CELF2: variants seen among roughly 807,000 people sequenced by gnomAD.
The protein encoded by CELF2 is CUG triplet repeat RNA-binding protein 2.
In CELF2, 8 loss-of-function variants were observed where a neutral mutation model predicts 62.6. That is an observed-to-expected ratio of 0.13 (90% CI 0.07 to 0.23). The LOEUF (loss-of-function observed/expected upper bound fraction) is 0.23. Ranked by LOEUF, CELF2 falls within the 10% of genes least tolerant of loss-of-function variation. The pLI, the probability that CELF2 is intolerant of heterozygous loss-of-function variation, is 1.00. For missense variants in CELF2, 333 were observed against 671.0 expected (o/e 0.50, Z 5.56); for synonymous variants, 258 against 250.0 (o/e 1.03, Z -0.30).
chr10:11,100,861 C>T (rs763805925), intron 1 of CELF2, among the ~76,000 whole-genome samples: 1 of 152,178 alleles, frequency 6.6e-6, no homozygotes, highest in Non-Finnish European at 1.5e-5. Context: ...CTCTGATTTT[C>T]TTCTCTTCTG....
At position 11,017,881 on chromosome 10, in the gene CELF2, C is replaced by A; in HGVS notation, c.-209C>A. Reference sequence around the variant, plus strand: ...GCGCCCCGCGAGCTCCGCCCCCGCCCGCCGCACCTGGCGCTCGGCAGCCGG... The same window carrying A: ...GCGCCCCGCGAGCTCCGCCCCCGCCAGCCGCACCTGGCGCTCGGCAGCCGG... On this transcript the variant is annotated 5_prime_UTR_variant, in exon 1 of 13. Transcript: ENST00000633077. This position sits in a 1 kb window ranked among gnomAD's most constrained non-coding sequence, Gnocchi z 5.5. 1 of 921,136 alleles carries A rather than the reference C, an allele frequency of 1.1e-6. No homozygotes were observed. Among genetic ancestry groups the A allele is most frequent in the Non-Finnish European group, 1.3e-6 (1 of 773,524 alleles). The allele number at this position is 921,136 out of a possible 1,614,324, so 57.1% of individuals were successfully genotyped here. A position where few individuals can be genotyped will look rare whatever the true frequency, so the allele number is the denominator to read the frequency against.
At chr10:10,900,815 G>C (rs893145855) in intron 1 of CELF2, among the ~76,000 whole-genome samples, 5 of 152,168 alleles carry the variant, frequency 3.3e-5, no homozygotes, top group Non-Finnish European at 7.4e-5. Context: ...GATTGTCGAT[G>C]TAGAAAATTG....
At chr10:11,061,079 C>T (rs1180321333) in intron 1 of CELF2, among the ~76,000 whole-genome samples, 1 of 152,184 alleles carries the variant, frequency 6.6e-6, no homozygotes, top group Non-Finnish European at 1.5e-5. Context: ...GTGAGAAAGG[C>T]ACGTCAAAAG....
the CELF2 span, among the ~76,000 whole-genome samples, chr10:10,570,287 C>T: frequency 1.4e-4 from 21 of 152,110 alleles, no homozygotes; most frequent in African/African-American, 4.8e-4. Flanking sequence ...TTGTGCATCC[C>T]AGGAGCAGGG....
In CELF2 at chr10:11,165,461, T is replaced by C; in HGVS notation, c.75-25T>C. 1 of 1,602,826 alleles carries C rather than the reference T, an allele frequency of 6.2e-7. No individual in the cohort carries two copies. Among genetic ancestry groups the C allele is most frequent in the Non-Finnish European group, 8.5e-7 (1 of 1,173,282 alleles). On this transcript the variant is annotated intron_variant, in intron 1 of 12. Transcript: ENST00000633077. The surrounding 1 kb of genome is among the most constrained non-coding windows in gnomAD (Gnocchi z 7.4). ...GTCCCTCATCGTGCCGCCCTAACTC[T>C]GGCTCCCGGTTCCGTTTTTGACAGT...
intron 2 of CELF2, among the ~76,000 whole-genome samples, chr10:10,961,251 A>T (rs2049465223): frequency 6.6e-6 from 1 of 152,250 alleles, no homozygotes; most frequent in Non-Finnish European, 1.5e-5. Flanking sequence ...CCCAAAGGAA[A>T]GCTGACCTCA....
At chr10:10,756,985 T>C in the CELF2 span, among the ~76,000 whole-genome samples, 1 of 151,474 alleles carries the variant, frequency 6.6e-6, no homozygotes, top group Non-Finnish European at 1.5e-5. Context: ...CTACTAAAAA[T>C]ACAAAAATTA....
At chr10:10,622,961 T>C in the CELF2 span, among the ~76,000 whole-genome samples, 1 of 151,504 alleles carries the variant, frequency 6.6e-6, no homozygotes, top group Non-Finnish European at 1.5e-5. Flanking sequence ...CGGGCGCCTG[T>C]AGTCCCAGCA....
chr10:10,823,068 T>G (rs983230846), intron 1 of CELF2, among the ~76,000 whole-genome samples: 1 of 152,072 alleles, frequency 6.6e-6, no homozygotes, highest in Non-Finnish European at 1.5e-5. Flanking sequence ...TTTCTTGAAA[T>G]GGAGCAAAAA....
the CELF2 span, among the ~76,000 whole-genome samples, chr10:10,544,931 T>A: frequency 6.6e-6 from 1 of 152,216 alleles, no homozygotes; most frequent in East Asian, 1.9e-4. Flanking sequence ...CTTGAAGGAA[T>A]GTCTGGGTTC....
intron 1 of CELF2, among the ~76,000 whole-genome samples, chr10:11,127,864 A>C (rs1348606877): frequency 6.6e-6 from 1 of 152,108 alleles, no homozygotes; most frequent in South Asian, 2.1e-4. Context: ...TTCTTTTGCC[A>C]TGCAGAAGCT....
intron 9 of CELF2, among the ~76,000 whole-genome samples, chr10:11,303,756 C>T (rs2093975677): frequency 6.6e-6 from 1 of 152,182 alleles, no homozygotes; most frequent in South Asian, 2.1e-4. Flanking sequence ...TCTGCAGTAG[C>T]CACTAGATAG....
chr10:10,687,248 A>G, the CELF2 span, among the ~76,000 whole-genome samples: 1 of 152,232 alleles, frequency 6.6e-6, no homozygotes, highest in East Asian at 1.9e-4. Context: ...CCATAGAAAT[A>G]CTAAAGGTTA....
In CELF2 at chr10:11,331,528, T is replaced by A. The variant is rs922040721; in HGVS notation, c.*2475T>A. The A allele has an allele frequency of 2.0e-5, 3 of 152,302 alleles. No individual in the cohort carries two copies. Among genetic ancestry groups the A allele is most frequent in the Admixed American group, 2.0e-4 (3 of 15,268 alleles). 9.4% of individuals were successfully genotyped at this position (152,302 alleles called of 1,614,324 possible). On this transcript the variant is annotated 3_prime_UTR_variant, in exon 13 of 13. Transcript: ENST00000633077. ...TCCAAAGGTACTTCCTTCCTAGAGCTTCAGTGTGTTTCTTGTGAGAAGTAA... is the reference window on the plus strand; with the variant it reads ...TCCAAAGGTACTTCCTTCCTAGAGCATCAGTGTGTTTCTTGTGAGAAGTAA...
At chr10:11,003,860 T>C (rs556582305), upstream of CELF2, among the ~76,000 whole-genome samples, 1 of 151,976 alleles carries the variant, frequency 6.6e-6, no homozygotes, top group Non-Finnish European at 1.5e-5. The surrounding 1 kb of genome is among the most constrained non-coding windows in gnomAD (Gnocchi z 4.4). Context: ...AAAAATGGGG[T>C]TGTTTTAGGG....
the CELF2 span, among the ~76,000 whole-genome samples, chr10:10,510,980 G>T: frequency 6.6e-6 from 1 of 152,220 alleles, no homozygotes; most frequent in Non-Finnish European, 1.5e-5. Flanking sequence ...AAGGTGAAAG[G>T]GAACTCAGAG....
the CELF2 span, among the ~76,000 whole-genome samples, chr10:10,595,682 T>G: frequency 5.1e-4 from 78 of 152,178 alleles, no homozygotes; most frequent in Non-Finnish European, 5.1e-4. Context: ...AACTGACCCT[T>G]AATCTGTTTG....
chr10:10,581,321 A>G, the CELF2 span, among the ~76,000 whole-genome samples: 2 of 152,194 alleles, frequency 1.3e-5, no homozygotes, highest in Admixed American at 6.5e-5. Flanking sequence ...TCAAGGAGCA[A>G]TCTATGAAAG....
chr10:10,902,943 AAGGG>A (rs1487812126), intron 1 of CELF2, among the ~76,000 whole-genome samples: 18 of 134,668 alleles, frequency 1.3e-4, no homozygotes, highest in Non-Finnish European at 1.9e-4. Flanking sequence ...GGGAGGAAGG[AAGGG>A]AGGGAGGGAG....
Sources: allele counts gnomAD v4.1 joint callset (sites outside exome capture counted in the v4.1 genomes callset), GRCh38; gene constraint gnomAD v4.1.1; non-coding constraint Gnocchi (gnomAD v3.1); transcripts MANE v1.5; gene names NCBI Gene and HGNC (gene_info 2026-07-23, HGNC 2026-07-21).